CBLB: variants seen among roughly 807,000 people sequenced by gnomAD.
CBLB encodes the protein Cbl proto-oncogene B.
CBLB carries 31 observed loss-of-function variants against 104.9 expected under a neutral mutation model. The ratio of observed to expected loss-of-function variants is 0.30; its 90% confidence interval spans 0.22 to 0.40. The LOEUF (loss-of-function observed/expected upper bound fraction) is 0.40. Among genes scored for constraint, CBLB ranks in the 10% least tolerant of loss-of-function variants. CBLB has a pLI of 1.00. For missense variants in CBLB, 1,062 were observed against 1,214.6 expected (o/e 0.87, Z 1.87); for synonymous variants, 440 against 422.6 (o/e 1.04, Z -0.51).
chr3:105,799,174 G>GAATAAAAAAA (rs1471114207), intron 3 of CBLB, among the ~76,000 whole-genome samples: 20 of 35,020 alleles, frequency 5.7e-4, no homozygotes, highest in Admixed American at 1.5e-3. Context: ...TAATGACAAA[G>GAATAAAAAAA]AACAAAAAAA....
chr3:105,831,394 C>T (rs148159098), intron 3 of CBLB, among the ~76,000 whole-genome samples: 155 of 152,294 alleles, frequency 1.0e-3, no homozygotes, highest in Middle Eastern at 3.4e-3. Context: ...GGGCTCAGAC[C>T]GCCAGGCGGG....
intron 4 of CBLB, among the ~76,000 whole-genome samples, chr3:105,775,594 C>T (rs996898112): frequency 1.2e-4 from 18 of 152,258 alleles, no homozygotes; most frequent in Middle Eastern, 3.4e-3. Flanking sequence ...TCTGAGGACG[C>T]GCTCTCATTA....
At chr3:105,802,799 CACTT>C (rs1373496984) in intron 3 of CBLB, among the ~76,000 whole-genome samples, 2 of 152,104 alleles carry the variant, frequency 1.3e-5, no homozygotes, top group Non-Finnish European at 2.9e-5. Flanking sequence ...ATTTAGAAGA[CACTT>C]AATTTTCATT....
chr3:105,723,540 C>T (rs982290832), intron 9 of CBLB, among the ~76,000 whole-genome samples: 17 of 152,144 alleles, frequency 1.1e-4, no homozygotes, highest in African/African-American at 4.1e-4. Flanking sequence ...ACCATTAATA[C>T]TGTAAGTCAG....
chr3:105,794,138 T>TA (rs1206225471), intron 3 of CBLB, among the ~76,000 whole-genome samples: 1 of 152,326 alleles, frequency 6.6e-6, no homozygotes, highest in East Asian at 1.9e-4. Context: ...TATTTGGGCA[T>TA]AAAATTCCCG....
At chr3:105,695,025 G>A (rs2068161782) in intron 12 of CBLB, among the ~76,000 whole-genome samples, 1 of 151,816 alleles carries the variant, frequency 6.6e-6, no homozygotes, top group Non-Finnish European at 1.5e-5. Context: ...CGCTCATTGT[G>A]ATATTGAGCA....
chr3:105,737,098 T>TA, intron 8 of CBLB, 73 bp downstream of exon 8: 2 of 727,350 alleles, frequency 2.7e-6, no homozygotes, highest in South Asian at 1.9e-5. Context: ...TTAACTACAC[T>TA]AAGAGAGTCT....
intron 10 of CBLB, among the ~76,000 whole-genome samples, chr3:105,708,781 T>A (rs2070617371): frequency 6.6e-6 from 1 of 152,008 alleles, no homozygotes; most frequent in Admixed American, 6.6e-5. Flanking sequence ...AAATAATGCA[T>A]TATAAAATAA....
chr3:105,693,726 G>A, intron 12 of CBLB, 138 bp from the exon 13 acceptor site: 1 of 683,118 alleles, frequency 1.5e-6, no homozygotes, highest in African/African-American at 1.8e-5. Flanking sequence ...ATTTATTCAG[G>A]AGTCAGTAGC....
intron 14 of CBLB, among the ~76,000 whole-genome samples, chr3:105,684,107 T>C (rs943965395): frequency 3.3e-5 from 5 of 152,210 alleles, no homozygotes; most frequent in Non-Finnish European, 7.3e-5. Flanking sequence ...CAAAAGGAAA[T>C]GGCACACTAA....
intron 14 of CBLB, among the ~76,000 whole-genome samples, chr3:105,683,728 G>A (rs2066619976): frequency 6.6e-6 from 1 of 152,146 alleles, no homozygotes; most frequent in Non-Finnish European, 1.5e-5. Context: ...TGGTTCTTCT[G>A]ATACATAAAA....
chr3:105,782,979 A>G (rs919190809), intron 3 of CBLB, among the ~76,000 whole-genome samples: 6 of 152,234 alleles, frequency 3.9e-5, no homozygotes, highest in Non-Finnish European at 5.9e-5. Context: ...GCTTTCTAAA[A>G]TAAATATATT....
chr3:105,812,087 A>C (rs901115233), intron 3 of CBLB, among the ~76,000 whole-genome samples: 1 of 152,024 alleles, frequency 6.6e-6, no homozygotes. Flanking sequence ...CTTACCTGTC[A>C]ATGACTTAAA....
At chr3:105,867,869 C>T (rs1406499056) in intron 1 of CBLB, among the ~76,000 whole-genome samples, 1 of 140,620 alleles carries the variant, frequency 7.1e-6, no homozygotes, top group Non-Finnish European at 1.5e-5. Flanking sequence ...TGAACTAATA[C>T]TCAACTCATA....
chr3:105,851,375 AG>A (rs528138108), intron 3 of CBLB, among the ~76,000 whole-genome samples: 1 of 131,422 alleles, frequency 7.6e-6, no homozygotes, highest in Non-Finnish European at 1.8e-5. Context: ...CCATGGGTTC[AG>A]GGGGGGAAGT....
At chr3:105,713,479 T>A (rs1385196223) in intron 10 of CBLB, among the ~76,000 whole-genome samples, 1 of 152,060 alleles carries the variant, frequency 6.6e-6, no homozygotes, top group African/African-American at 2.4e-5. Flanking sequence ...AAGCATAGCC[T>A]GTGTCCTCAA....
chr3:105,769,040 G>T (rs544794361), intron 4 of CBLB, among the ~76,000 whole-genome samples: 2 of 152,160 alleles, frequency 1.3e-5, no homozygotes, highest in Non-Finnish European at 2.9e-5. Context: ...GCCGCCGGGC[G>T]TGATGGCTCA....
chr3:105,811,351 G>A (rs932311004), intron 3 of CBLB, among the ~76,000 whole-genome samples: 17 of 152,192 alleles, frequency 1.1e-4, no homozygotes, highest in Non-Finnish European at 1.9e-4. Flanking sequence ...CAGAATTCAT[G>A]GCTGTTGGGC....
At chr3:105,807,804 G>A (rs1051933099) in intron 3 of CBLB, among the ~76,000 whole-genome samples, 20 of 152,134 alleles carry the variant, frequency 1.3e-4, no homozygotes, top group African/African-American at 4.8e-4. Context: ...CATAGAGCTG[G>A]AAAGGACCTT....
Sources: gnomAD v4.1 joint callset for allele counts (sites outside exome capture counted in the v4.1 genomes callset) on GRCh38, gnomAD v4.1.1 for gene constraint, MANE v1.5 for transcripts, NCBI Gene and HGNC (gene_info 2026-07-23, HGNC 2026-07-21) for gene names.